DENND1A: variants seen among roughly 807,000 people sequenced by gnomAD.
DENND1A encodes DENN domain containing 1A, also known as DENN domain-containing protein 1A.
In DENND1A, 51 loss-of-function variants were observed where a neutral mutation model predicts 113.7. That is an observed-to-expected ratio of 0.45 (90% CI 0.36 to 0.57). The LOEUF is 0.57. Among genes scored for constraint, DENND1A ranks in the 20% least tolerant of loss-of-function variants. The pLI is 0.00. For missense variants in DENND1A, 1,258 were observed against 1,395.9 expected (o/e 0.90, Z 1.57); for synonymous variants, 565 against 570.8 (o/e 0.99, Z 0.14).
At chr9:123,917,954 CA>C (rs1225330562) in intron 1 of DENND1A, among the ~76,000 whole-genome samples, 4 of 141,942 alleles carry the variant, frequency 2.8e-5, no homozygotes, top group Non-Finnish European at 6.2e-5. Context: ...ACTAAAAATA[CA>C]AAAAAAAAAT....
intron 8 of DENND1A, among the ~76,000 whole-genome samples, chr9:123,664,229 AT>A (rs947451581): frequency 6.6e-6 from 1 of 152,186 alleles, no homozygotes; most frequent in Non-Finnish European, 1.5e-5. Flanking sequence ...AACCTGATAG[AT>A]TTTTTTGAAG....
chr9:123,518,923 C>G (rs1424674428), intron 13 of DENND1A, among the ~76,000 whole-genome samples: 2 of 152,182 alleles, frequency 1.3e-5, no homozygotes, highest in African/African-American at 4.8e-5. Context: ...TTGAATAAAA[C>G]CCAAACTCCT....
At chr9:123,590,877 G>T (rs938426164) in intron 11 of DENND1A, among the ~76,000 whole-genome samples, 7 of 152,158 alleles carry the variant, frequency 4.6e-5, no homozygotes, top group East Asian at 1.9e-4. Context: ...ACCATACAAG[G>T]TAAGAGTGTG....
chr9:123,827,012 C>CTACA (rs906753923), intron 2 of DENND1A, among the ~76,000 whole-genome samples: 2 of 152,042 alleles, frequency 1.3e-5, no homozygotes, highest in African/African-American at 4.8e-5. Context: ...AAGTATACAT[C>CTACA]TACATGTAGA....
rs1429570756 is a variant in DENND1A, at chr9:123,644,288, T to C, written c.618+7725A>G. Among the ~76,000 whole-genome samples, 3 of 142,914 alleles carry C rather than the reference T, an allele frequency of 2.1e-5. No individual in the cohort carries two copies. The East Asian group carries it at 6.3e-4, about 30-fold the overall frequency. The allele number at this position is 142,914 out of a possible 152,430, so 93.8% of individuals were successfully genotyped here. A position where few individuals can be genotyped will look rare whatever the true frequency, so the allele number is the denominator to read the frequency against. ...GTGGGGGAGAACGGCGGGGCTCCCA[T>C]ATAAAGTACTGAGGACGAATCTACT... On this transcript the variant is annotated intron_variant, in intron 9 of 23. Transcript: ENST00000394215.
intron 13 of DENND1A, among the ~76,000 whole-genome samples, chr9:123,471,245 G>A (rs148721530): frequency 9.1e-4 from 139 of 152,292 alleles, no homozygotes; most frequent in African/African-American, 3.2e-3. Context: ...CACTTAACAT[G>A]TCTGGAACGT....
At chr9:123,450,597 T>C in intron 18 of DENND1A, 96 bp downstream of exon 18, 1 of 934,036 alleles carries the variant, frequency 1.1e-6, no homozygotes, top group Non-Finnish European at 1.6e-6. Context: ...TTAACAACAC[T>C]GTATCAAACA....
intron 5 of DENND1A, among the ~76,000 whole-genome samples, chr9:123,753,562 T>G (rs1268562703): frequency 6.6e-6 from 1 of 152,238 alleles, no homozygotes; most frequent in Non-Finnish European, 1.5e-5. Flanking sequence ...ATTTCTTATT[T>G]CCTCTCTGAA....
At chr9:123,512,327 C>A (rs1021373093) in intron 13 of DENND1A, among the ~76,000 whole-genome samples, 2 of 152,210 alleles carry the variant, frequency 1.3e-5, no homozygotes, top group Non-Finnish European at 2.9e-5. Flanking sequence ...AGGACCTCGC[C>A]TTGTGCTGGC....
chr9:123,797,405 C>G (rs910150168), intron 2 of DENND1A, among the ~76,000 whole-genome samples: 2 of 152,128 alleles, frequency 1.3e-5, no homozygotes, highest in Non-Finnish European at 2.9e-5. Context: ...TGCAGACTTT[C>G]AGAAAATAGT....
chr9:123,525,663 G>A (rs1306688598), intron 13 of DENND1A, among the ~76,000 whole-genome samples: 1 of 151,782 alleles, frequency 6.6e-6, no homozygotes, highest in Non-Finnish European at 1.5e-5. Context: ...GGCAGCTGGT[G>A]GAAAGTCCAC....
At chr9:123,391,761 GAAAAAAA>G in intron 21 of DENND1A, among the ~76,000 whole-genome samples, 1 of 110,380 alleles carries the variant, frequency 9.1e-6, no homozygotes, top group South Asian at 3.1e-4. Flanking sequence ...GGCAGAATAT[GAAAAAAA>G]AAAAAAAAAA....
chr9:123,885,759 C>T (rs919993648), intron 1 of DENND1A, among the ~76,000 whole-genome samples: 1 of 152,222 alleles, frequency 6.6e-6, no homozygotes. Context: ...CCGGAAGGGT[C>T]ATGCTCAGTG....
intron 13 of DENND1A, among the ~76,000 whole-genome samples, chr9:123,488,558 A>G (rs1056264561): frequency 6.6e-6 from 1 of 152,196 alleles, no homozygotes; most frequent in Non-Finnish European, 1.5e-5. Flanking sequence ...TTGGGGCTCA[A>G]GGGCTTATCC....
At chr9:123,427,561 T>A (rs2045836538) in intron 19 of DENND1A, among the ~76,000 whole-genome samples, 1 of 152,156 alleles carries the variant, frequency 6.6e-6, no homozygotes, top group African/African-American at 2.4e-5. Context: ...TGACCTTGAC[T>A]CTCAGCCCTG....
intron 5 of DENND1A, among the ~76,000 whole-genome samples, chr9:123,681,395 A>T (rs1466606814): frequency 6.6e-6 from 1 of 152,006 alleles, no homozygotes; most frequent in African/African-American, 2.4e-5. Context: ...AGGAAGGGGC[A>T]GCAGCAGCTC....
intron 2 of DENND1A, among the ~76,000 whole-genome samples, chr9:123,847,112 G>C (rs1272229965): frequency 6.6e-6 from 1 of 152,158 alleles, no homozygotes; most frequent in Non-Finnish European, 1.5e-5. Flanking sequence ...CAAAGTGCTA[G>C]GTTACTGGTG....
At chr9:123,568,646 G>C (rs1182333146) in intron 12 of DENND1A, among the ~76,000 whole-genome samples, 2 of 152,246 alleles carry the variant, frequency 1.3e-5, no homozygotes, top group East Asian at 3.9e-4. Flanking sequence ...ATAAAAGTGG[G>C]GTTTGTCTCA....
chr9:123,896,010 T>C (rs1169399553), intron 1 of DENND1A, among the ~76,000 whole-genome samples: 1 of 152,142 alleles, frequency 6.6e-6, no homozygotes, highest in Non-Finnish European at 1.5e-5. Flanking sequence ...GGACTGCTAC[T>C]GAGTGGTCAA....
Sources: allele counts gnomAD v4.1 joint callset (sites outside exome capture counted in the v4.1 genomes callset), GRCh38; gene constraint gnomAD v4.1.1; transcripts MANE v1.5; gene names NCBI Gene and HGNC (gene_info 2026-07-23, HGNC 2026-07-21).